The following ETNK1 variants were observed in gnomAD, a reference collection of about 807,000 sequenced individuals.
The protein encoded by ETNK1 is ethanolamine kinase 1.
In ETNK1, 8 loss-of-function variants were observed where a neutral mutation model predicts 45.1. The ratio of observed to expected loss-of-function variants is 0.18; its 90% CI spans 0.10 to 0.32. The LOEUF (loss-of-function observed/expected upper bound fraction) is 0.32. Ranked by LOEUF, ETNK1 falls within the 10% of genes least tolerant of loss-of-function variation. ETNK1 has a pLI of 1.00. For missense variants in ETNK1, 302 were observed against 430.6 expected (o/e 0.70, Z 2.64); for synonymous variants, 152 against 151.9 (o/e 1.00, Z -0.01).
At chr12:22,655,378 C>T (rs1953928163) in intron 2 of ETNK1, among the ~76,000 whole-genome samples, 1 of 144,580 alleles carries the variant, frequency 6.9e-6, no homozygotes, top group South Asian at 2.2e-4. Context: ...CTCTTGTTGC[C>T]CAGGCTGGAG....
At chr12:22,662,242 ATTTTTTTTT>A (rs774396641) in intron 4 of ETNK1, among the ~76,000 whole-genome samples, 10 of 73,432 alleles carry the variant, frequency 1.4e-4, no homozygotes, top group African/African-American at 2.1e-4. Flanking sequence ...TAATTTTTGT[ATTTTTTTTT>A]TTTTTTTTTT....
rs2129613 is a variant in ETNK1, at chr12:22,686,802, G to A, written c.*1848G>A. On this transcript the variant is annotated 3_prime_UTR_variant, in exon 8 of 8. Coordinates refer to ENST00000266517, the MANE Select transcript of ETNK1 (RefSeq NM_018638.5). ...ATTGTTTTTGGTGGAATTTTTGTCT[G>A]TGGTTAGAACATTTTCATAAAACAG... 0.38 allele frequency: 54,926 copies of A among 145,686 alleles called. 10,450 individuals carry two copies. The highest frequency in any genetic ancestry group is 0.42 in the Non-Finnish European group (27,897 of 66,376). The allele number at this position is 145,686 out of a possible 1,614,324, so 9.0% of individuals were successfully genotyped here. A position where few individuals can be genotyped will look rare whatever the true frequency, so the allele number is the denominator to read the frequency against.
At chr12:22,661,270 C>G in intron 4 of ETNK1, 65 bp downstream of exon 4, 1 of 1,375,058 alleles carries the variant, frequency 7.3e-7, no homozygotes, top group South Asian at 1.4e-5. Flanking sequence ...GTCATTTTAT[C>G]TCTATATCAA....
chr12:22,684,468 T>A lies in ETNK1; in HGVS notation c.946-15T>A. 6.3e-7 allele frequency: 1 copy of A among 1,593,838 alleles called. No homozygotes were observed. The highest frequency in any genetic ancestry group is 1.1e-5 in the South Asian group (1 of 88,872). ...TCATTATCATAATTTTTGATTTTTC[T>A]TTCCTTCTTTTAAGGCTTCTCATTT... On this transcript the variant is annotated splice_polypyrimidine_tract_variant and intron_variant, in intron 6 of 7. Transcript: ENST00000266517.
chr12:22,680,663 TG>T, intron 6 of ETNK1, among the ~76,000 whole-genome samples: 1 of 152,190 alleles, frequency 6.6e-6, no homozygotes. Flanking sequence ...GAAGCTGCTT[TG>T]ATAAAAAGAA....
intron 6 of ETNK1, among the ~76,000 whole-genome samples, chr12:22,682,816 T>A (rs1330004308): frequency 6.6e-6 from 1 of 152,210 alleles, no homozygotes; most frequent in African/African-American, 2.4e-5. Flanking sequence ...GCAAGTAACA[T>A]ATCAGTATAA....
rs1010279735 is a variant in ETNK1, at chr12:22,687,572, T to C, written c.*2618T>C. On this transcript the variant is annotated 3_prime_UTR_variant, in exon 8 of 8. Transcript: ENST00000266517. Reference sequence around the variant, plus strand: ...TTTTCCCCTTCATACTTGTATGATCTCACCTGACCAGTGATTTCTTTTCCT... The same window carrying C: ...TTTTCCCCTTCATACTTGTATGATCCCACCTGACCAGTGATTTCTTTTCCT... 3 of 152,202 alleles carry C rather than the reference T, an allele frequency of 2.0e-5. No individual in the cohort carries two copies. Among genetic ancestry groups the C allele is most frequent in the Non-Finnish European group, 3.0e-5 (2 of 67,760 alleles). 9.4% of individuals were successfully genotyped at this position (152,202 alleles called of 1,614,324 possible). A position where few individuals can be genotyped will look rare whatever the true frequency, so the allele number is the denominator to read the frequency against.
At chr12:22,671,058 T>C in intron 4 of ETNK1, 1 of 461,522 alleles carries the variant, frequency 2.2e-6, no homozygotes, top group Non-Finnish European at 3.8e-6. Context: ...TTAGTGTTTA[T>C]AAAGAAGCTG....
At chr12:22,666,996 G>T (rs1025171460) in intron 4 of ETNK1, among the ~76,000 whole-genome samples, 2 of 151,924 alleles carry the variant, frequency 1.3e-5, no homozygotes, top group Non-Finnish European at 2.9e-5. Context: ...TTTTGTGTTT[G>T]GTAAACTATG....
chr12:22,666,170 T>C lies in ETNK1; in HGVS notation c.700+4965T>C, dbSNP rs181242157. Among the ~76,000 whole-genome samples the C allele has an allele frequency of 4.6e-5, 7 of 152,244 alleles. No individual in the cohort carries two copies. In the East Asian group the frequency reaches 1.4e-3, roughly 29 times the overall value. ...GAGTGAGCTTCCTTTCTGAAGTTGA[T>C]GGTAGCTGTCAAGATTTTTGAAAAG... On this transcript the variant is annotated intron_variant, in intron 4 of 7. Transcript: ENST00000266517.
In ETNK1 at chr12:22,671,328, A is replaced by T. The variant is rs1191382050; in HGVS notation, c.757A>T (p.Ile253Phe). ...TGGATACAACTACCTGGCATATGAT[A>T]TTGGAAATCATTTCAATGAATTTGC... The part of the protein sequence containing the change: ...YSGYNYLAYD[I>F]GNHFNEFAGV... Residue 253 changes from isoleucine to phenylalanine, a missense_variant, in exon 5 of 8, where the codon ATT (isoleucine) becomes TTT (phenylalanine). Transcript: ENST00000266517. The T allele has an allele frequency of 6.2e-7, 1 of 1,606,956 alleles. No homozygotes were observed. Among genetic ancestry groups the T allele is most frequent in the Non-Finnish European group, 8.5e-7 (1 of 1,173,964 alleles).
At chr12:22,664,807 A>C (rs1037524187) in intron 4 of ETNK1, among the ~76,000 whole-genome samples, 9 of 152,120 alleles carry the variant, frequency 5.9e-5, no homozygotes, top group African/African-American at 2.2e-4. Flanking sequence ...CTTGAGCTCC[A>C]GGTTTCATTA....
intron 2 of ETNK1, among the ~76,000 whole-genome samples, chr12:22,651,395 A>G (rs956731384): frequency 6.6e-6 from 1 of 152,098 alleles, no homozygotes; most frequent in Non-Finnish European, 1.5e-5. Flanking sequence ...AGCTGCTGGC[A>G]TTCACTCATG....
chr12:22,625,180 C>A lies in ETNK1; in HGVS notation c.-251C>A. On this transcript the variant is annotated 5_prime_UTR_variant, in exon 1 of 8. Transcript: ENST00000266517. ...AGCCCCGGCATGCTCTGCGGCCGCC[C>A]GCGGTCCAGCTCCGACAACAGGAAT... 6.2e-7 allele frequency: 1 copy of A among 1,600,368 alleles called. No homozygotes were observed. Among genetic ancestry groups the A allele is most frequent in the Non-Finnish European group, 8.5e-7 (1 of 1,172,386 alleles).
Position 22,659,117 on chromosome 12 carries a change from A to C in ETNK1, c.520A>C (p.Ile174Leu), listed in dbSNP as rs1438694362. The C allele has an allele frequency of 1.2e-6, 2 of 1,613,738 alleles. No homozygotes were observed. The highest frequency in any genetic ancestry group is 2.7e-5 in the African/African-American group (2 of 74,948). Residue 174 changes from isoleucine (I) to leucine (L), a missense_variant, in exon 3 of 8, where the codon ATT (isoleucine) becomes CTT (leucine). Physicochemically the swap from Ile to Leu is conservative, Grantham distance 5. Around this residue, in one of 3 missense-constraint regions of ETNK1, gnomAD observed 205 missense variants for 259.9 expected, o/e 0.79. Transcript: ENST00000266517. ...AAAGATGGGAAAGTATTTCTCTCTC[A>C]TTCCCACAGGATTTGCAGATGAAGA... ...WLKMGKYFSL[I>L]PTGFADEDIN... is the part of the protein sequence containing the mutation.
chr12:22,655,483 C>A (rs261915), intron 2 of ETNK1, among the ~76,000 whole-genome samples: 1 of 151,878 alleles, frequency 6.6e-6, no homozygotes, highest in Non-Finnish European at 1.5e-5. Flanking sequence ...ATTACAGGCA[C>A]GTATCACCAC....
intron 2 of ETNK1, chr12:22,656,335 G>T (rs1287411261): frequency 6.9e-6 from 6 of 866,544 alleles, no homozygotes; most frequent in Non-Finnish European, 6.9e-6. Context: ...AAAACAACTT[G>T]AGGCAGCAAA....
At chr12:22,639,142 T>C (rs915886062) in intron 1 of ETNK1, among the ~76,000 whole-genome samples, 3 of 152,206 alleles carry the variant, frequency 2.0e-5, no homozygotes, top group Non-Finnish European at 1.5e-5. Flanking sequence ...GTGGGGCGTT[T>C]GTGTAGAAAG....
chr12:22,651,451 G>A (rs1953873177), intron 2 of ETNK1, among the ~76,000 whole-genome samples: 2 of 152,006 alleles, frequency 1.3e-5, no homozygotes, highest in Middle Eastern at 3.4e-3. Flanking sequence ...GAATTTTCAG[G>A]CTGCTCTTTG....
Sources: gnomAD v4.1 joint callset for allele counts (sites outside exome capture counted in the v4.1 genomes callset) on GRCh38, gnomAD v4.1.1 for gene constraint, gnomAD v4.1.1 regional missense constraint, MANE v1.5 for transcripts, NCBI Gene and HGNC (gene_info 2026-07-23, HGNC 2026-07-21) for gene names.